The following ENOX2 variants were observed in gnomAD, a reference collection of about 807,000 sequenced individuals.
The protein encoded by ENOX2 is ecto-NOX disulfide-thiol exchanger 2.
Under a neutral mutation model 45.0 loss-of-function variants are expected in ENOX2, and 36 were observed. That is an observed-to-expected ratio of 0.80 (90% CI 0.61 to 1.06). The LOEUF (loss-of-function observed/expected upper bound fraction) is 1.06. Ranked by LOEUF, ENOX2 falls within the 50% of genes least tolerant of loss-of-function variation. The pLI, the probability that ENOX2 is intolerant of heterozygous loss-of-function variation, is 0.00. For synonymous variants in ENOX2, 174 were observed against 152.3 expected, an observed-to-expected ratio of 1.14 and a Z score of -1.05; for missense variants, 423 against 462.5, an observed-to-expected ratio of 0.91 and a Z score of 0.78.
intron 2 of ENOX2, among the ~76,000 whole-genome samples, chrX:130,876,044 C>T (rs1388915791): frequency 9.0e-6 from 1 of 111,430 alleles, no homozygotes; most frequent in Non-Finnish European, 1.9e-5. Context: ...ACATTTTTGC[C>T]ACCTCCTCAA....
chrX:130,839,513 C>T (rs1415462736), intron 2 of ENOX2, among the ~76,000 whole-genome samples: 3 of 111,796 alleles, frequency 2.7e-5, no homozygotes, highest in African/African-American at 9.7e-5. Context: ...GAGTTTTAAA[C>T]AACTTTTATA....
chrX:130,846,563 C>G (rs1259054469), intron 2 of ENOX2, among the ~76,000 whole-genome samples: 1 of 111,919 alleles, frequency 8.9e-6, no homozygotes, highest in Non-Finnish European at 1.9e-5. Flanking sequence ...TCTCGAACTC[C>G]TGACCTCAGG....
intron 10 of ENOX2, among the ~76,000 whole-genome samples, chrX:130,656,029 C>T (rs1469147034): frequency 1.8e-5 from 2 of 111,928 alleles, no homozygotes; most frequent in Admixed American, 9.4e-5. Context: ...GGACAGAGTT[C>T]GGACTAGAAC....
chrX:130,822,318 T>C (rs908754403), intron 2 of ENOX2, among the ~76,000 whole-genome samples: 4 of 112,024 alleles, frequency 3.6e-5, no homozygotes, highest in Admixed American at 2.8e-4. Flanking sequence ...CATCGTTCAA[T>C]AGAAATACTA....
intron 10 of ENOX2, among the ~76,000 whole-genome samples, chrX:130,655,777 G>A (rs1283051779): frequency 9.0e-6 from 1 of 111,522 alleles, no homozygotes; most frequent in Non-Finnish European, 1.9e-5. Flanking sequence ...TGGGATAACA[G>A]GCATGCACTA....
In ENOX2 at chrX:130,622,936, A is replaced by G. The variant is rs2035460163; in HGVS notation, c.*2378T>C. On this transcript the variant is annotated 3_prime_UTR_variant, in exon 15 of 15. Coordinates refer to ENST00000394363, the MANE Select transcript of ENOX2 (RefSeq NM_006375.4). ...AGTTCTGGCAGGAGTTGGATGTTGC[A>G]GTTTTGAGTCCAAAGGCAGTCTCGA... 9.0e-6 allele frequency among the ~76,000 whole-genome samples: 1 copy of G among 111,389 alleles called. No homozygotes were observed. Among genetic ancestry groups the G allele is most frequent in the African/African-American group, 3.3e-5 (1 of 30,626 alleles).
chrX:130,655,736 G>C (rs1367961510), intron 10 of ENOX2, among the ~76,000 whole-genome samples: 1 of 111,810 alleles, frequency 8.9e-6, no homozygotes, highest in Non-Finnish European at 1.9e-5. Context: ...CCAGGTTCAA[G>C]GGATTCTTCT....
At chrX:130,750,766 C>G (rs1296395536) in intron 3 of ENOX2, among the ~76,000 whole-genome samples, 2 of 111,341 alleles carry the variant, frequency 1.8e-5, no homozygotes, top group Non-Finnish European at 3.8e-5. Context: ...GTTTTCATTT[C>G]TCTTTCCCTC....
At chrX:130,894,772 T>C (rs1319931932) in intron 2 of ENOX2, among the ~76,000 whole-genome samples, 1 of 111,151 alleles carries the variant, frequency 9.0e-6, no homozygotes, top group African/African-American at 3.3e-5. Context: ...TCCAGACTCT[T>C]ATCCTGTCCC....
At chrX:130,706,956 A>C (rs970988903) in intron 3 of ENOX2, among the ~76,000 whole-genome samples, 20 of 112,454 alleles carry the variant, frequency 1.8e-4, no homozygotes, top group Admixed American at 1.1e-3. Flanking sequence ...TTCAAAGGAA[A>C]ATCCCAGATG....
chrX:130,697,091 G>A (rs2037782886), intron 4 of ENOX2, among the ~76,000 whole-genome samples: 1 of 111,358 alleles, frequency 9.0e-6, no homozygotes, highest in African/African-American at 3.3e-5. Context: ...TGAATGAGGT[G>A]ATGTAACTCA....
At chrX:130,672,122 T>C (rs972160803) in intron 6 of ENOX2, among the ~76,000 whole-genome samples, 1 of 111,100 alleles carries the variant, frequency 9.0e-6, no homozygotes, top group Non-Finnish European at 1.9e-5. Flanking sequence ...ACATGAAAGA[T>C]ATAAAAAGAG....
chrX:130,816,099 A>C (rs1006190119), intron 2 of ENOX2, among the ~76,000 whole-genome samples: 1 of 111,670 alleles, frequency 9.0e-6, no homozygotes, highest in African/African-American at 3.3e-5. Context: ...AACAAACAAA[A>C]AAAGCAGGGG....
intron 2 of ENOX2, among the ~76,000 whole-genome samples, chrX:130,848,004 A>G (rs1161842496): frequency 8.9e-6 from 1 of 111,776 alleles, no homozygotes; most frequent in Admixed American, 9.5e-5. Flanking sequence ...GGTTTCTCCA[A>G]ACCTCTAGGG....
chrX:130,812,520 C>T (rs1190572905), intron 2 of ENOX2, among the ~76,000 whole-genome samples: 2 of 111,989 alleles, frequency 1.8e-5, no homozygotes, highest in Admixed American at 9.5e-5. Flanking sequence ...GAAATCACTT[C>T]ATCACAAAAG....
chrX:130,753,831 C>G (rs1044298031), intron 3 of ENOX2, among the ~76,000 whole-genome samples: 1 of 111,090 alleles, frequency 9.0e-6, no homozygotes, highest in Non-Finnish European at 1.9e-5. Context: ...GTGGTGCAGG[C>G]AACTCTTTGA....
intron 3 of ENOX2, among the ~76,000 whole-genome samples, chrX:130,711,709 T>C (rs901660676): frequency 1.8e-5 from 2 of 111,749 alleles, no homozygotes; most frequent in Non-Finnish European, 3.8e-5. Flanking sequence ...AATCTCAGCA[T>C]AGCGGGTGCT....
At chrX:130,880,688 G>A (rs145564991) in intron 2 of ENOX2, among the ~76,000 whole-genome samples, 3 of 111,852 alleles carry the variant, frequency 2.7e-5, no homozygotes, top group African/African-American at 9.7e-5. Context: ...ATGTATAAAA[G>A]TGTCTATGAC....
At chrX:130,827,642 A>G (rs1179132007) in intron 2 of ENOX2, among the ~76,000 whole-genome samples, 1 of 111,897 alleles carries the variant, frequency 8.9e-6, no homozygotes, top group Non-Finnish European at 1.9e-5. Context: ...ATATCTGTTG[A>G]CTATATTAAT....
Sources: allele counts gnomAD v4.1 joint callset (sites outside exome capture counted in the v4.1 genomes callset), GRCh38; gene constraint gnomAD v4.1.1; transcripts MANE v1.5; gene names NCBI Gene and HGNC (gene_info 2026-07-23, HGNC 2026-07-21).